AP4E1: variants seen among roughly 807,000 people sequenced by gnomAD.
AP4E1 encodes the protein adaptor related protein complex 4 subunit epsilon 1.
A neutral mutation model predicts 128.2 loss-of-function variants in AP4E1; 56 were observed. The ratio of observed to expected loss-of-function variants is 0.44; its 90% CI spans 0.35 to 0.55. The LOEUF is 0.55. Among genes scored for constraint, AP4E1 ranks in the 20% least tolerant of loss-of-function variants. The pLI is 0.00. For synonymous variants in AP4E1, 484 were observed against 473.1 expected (o/e 1.02, Z -0.30); for missense variants, 1,324 against 1,307.7 (o/e 1.01, Z -0.19).
At chr15:50,915,615 GAAGTTGCATCTATTAT>G in intron 3 of AP4E1, 44 bp downstream of exon 3, 1 of 1,600,104 alleles carries the variant, frequency 6.2e-7, no homozygotes, top group East Asian at 2.2e-5. Context: ...TGTTGTCCTT[GAAGTTGCATCTATTAT>G]ACAAAATGAA....
intron 3 of AP4E1, among the ~76,000 whole-genome samples, chr15:50,920,453 C>A (rs2063687099): frequency 6.8e-6 from 1 of 147,702 alleles, no homozygotes; most frequent in African/African-American, 2.5e-5. Context: ...GTCACCTAGG[C>A]TGGAGTATGG....
chr15:50,960,049 A>G (rs569319067), intron 14 of AP4E1, among the ~76,000 whole-genome samples: 11 of 152,318 alleles, frequency 7.2e-5, no homozygotes, highest in African/African-American at 2.6e-4. Context: ...TATAATGATG[A>G]AGGGATCAGT....
At chr15:50,958,469 A>G in intron 13 of AP4E1, 23 bp from the exon 14 acceptor site, 2 of 1,583,188 alleles carry the variant, frequency 1.3e-6, no homozygotes, top group Non-Finnish European at 1.7e-6. Flanking sequence ...TTCTATATGA[A>G]TATCTCTTTG....
Position 50,997,730 on chromosome 15 carries a change from T to A in AP4E1, c.2751T>A (p.Asn917Lys). 1 of 1,613,994 alleles carries A rather than the reference T, an allele frequency of 6.2e-7. No individual in the cohort carries two copies. The highest frequency in any genetic ancestry group is 8.5e-7 in the Non-Finnish European group (1 of 1,179,996). Reference sequence around the variant, plus strand: ...AAACTACTGAATACATACACTCAAATGCTATGGAAGTCTGTAATAATGAAA... The same window carrying A: ...AAACTACTGAATACATACACTCAAAAGCTATGGAAGTCTGTAATAATGAAA... ...LEETTEYIHSNAMEVCNNETI... is the reference protein window; with the variant it reads ...LEETTEYIHSKAMEVCNNETI... The change falls in exon 18 of 21, where the codon AAT becomes AAA. Residue 917 changes from asparagine to lysine, a missense_variant. Transcript: ENST00000261842.
At chr15:51,002,074 T>C (rs1422301190) in intron 20 of AP4E1, among the ~76,000 whole-genome samples, 1 of 151,984 alleles carries the variant, frequency 6.6e-6, no homozygotes, top group Non-Finnish European at 1.5e-5. Flanking sequence ...AGAGATGGGG[T>C]TTCACCATAT....
Position 50,908,824 on chromosome 15 carries a change from T to C in AP4E1, c.46T>C (p.Phe16Leu), listed in dbSNP as rs763655101. The stretch of plus-strand genomic sequence containing the variant: ...GACGCTGACGGCGCTGCCGGGACTC[T>C]TTCTGCAGAACCAGCCCGGTGGTGG... ...EKTLTALPGL[F>L]LQNQPGGGPA... The change falls in exon 1 of 21, where the codon TTT (phenylalanine) becomes CTT (leucine). Residue 16 changes from phenylalanine (F) to leucine (L), a missense_variant. Transcript: ENST00000261842. The C allele has an allele frequency of 1.2e-5, 20 of 1,606,726 alleles. No individual in the cohort carries two copies. The highest frequency in any genetic ancestry group is 3.4e-5 in the Admixed American group (2 of 59,298).
chr15:50,932,662 C>T (rs1246879534), intron 7 of AP4E1, among the ~76,000 whole-genome samples: 1 of 152,162 alleles, frequency 6.6e-6, no homozygotes, highest in East Asian at 1.9e-4. Flanking sequence ...TACAAAGGGA[C>T]CATTCTCCAG....
chr15:50,943,833 C>A (rs2064021320), intron 10 of AP4E1, among the ~76,000 whole-genome samples: 1 of 152,080 alleles, frequency 6.6e-6, no homozygotes, highest in Non-Finnish European at 1.5e-5. Context: ...AGGGATGATT[C>A]ATGTCCCAGA....
intron 16 of AP4E1, among the ~76,000 whole-genome samples, chr15:50,985,841 T>C (rs1293056006): frequency 1.3e-5 from 2 of 152,246 alleles, no homozygotes; most frequent in East Asian, 3.8e-4. Flanking sequence ...TTTCCAATTC[T>C]GTGAAGACAG....
chr15:50,962,576 A>G (rs1402535392), intron 14 of AP4E1, among the ~76,000 whole-genome samples: 1 of 152,096 alleles, frequency 6.6e-6, no homozygotes, highest in African/African-American at 2.4e-5. Flanking sequence ...CGAGATCCCT[A>G]TCTCTCACCA....
At chr15:50,949,803 C>G in intron 11 of AP4E1, 23 bp from the exon 12 acceptor site, 2 of 1,542,974 alleles carry the variant, frequency 1.3e-6, no homozygotes, top group Non-Finnish European at 1.8e-6. Context: ...TGGAAGTGTA[C>G]TTGTTCTTAA....
chr15:50,989,923 G>A (rs989004384), intron 16 of AP4E1, among the ~76,000 whole-genome samples: 2 of 152,142 alleles, frequency 1.3e-5, no homozygotes, highest in Non-Finnish European at 2.9e-5. Context: ...TATTTCAGAA[G>A]AGGAACATAG....
intron 5 of AP4E1, among the ~76,000 whole-genome samples, chr15:50,925,760 G>A (rs1413784014): frequency 6.6e-6 from 1 of 150,618 alleles, no homozygotes; most frequent in Non-Finnish European, 1.5e-5. Flanking sequence ...CTCCCATGTA[G>A]CTAGGATTAC....
chr15:50,962,397 G>A (rs1484005101), intron 14 of AP4E1, among the ~76,000 whole-genome samples: 2 of 151,962 alleles, frequency 1.3e-5, no homozygotes, highest in African/African-American at 4.8e-5. Flanking sequence ...CATGGTATTG[G>A]TATAAAGAAA....
At chr15:50,926,519 T>TA (rs1333274555) in intron 5 of AP4E1, among the ~76,000 whole-genome samples, 1 of 152,256 alleles carries the variant, frequency 6.6e-6, no homozygotes, top group African/African-American at 2.4e-5. Flanking sequence ...ATTTTTTTGT[T>TA]ACTCATACAA....
rs2064829446 is a variant in AP4E1, at chr15:50,993,491, A to G, written c.2212A>G (p.Met738Val). The change falls in exon 17 of 21, where the codon ATG (methionine) becomes GTG (valine). Residue 738 changes from methionine to valine, a missense_variant. Met to Val is a conservative substitution (Grantham distance 21, BLOSUM62 1). Transcript: ENST00000261842. ...GALPVPQESI[M>V]ENVDQAITKK... ...TCTGCCTGTTCCTCAAGAGAGTATA[A>G]TGGAGAATGTAGATCAAGCTATAAC... The G allele has an allele frequency of 6.2e-7, 1 of 1,613,926 alleles. No homozygotes were observed. Among genetic ancestry groups the G allele is most frequent in the Admixed American group, 1.7e-5 (1 of 59,984 alleles).
In AP4E1 at chr15:50,962,713, C is replaced by T. The variant is rs1235359596; in HGVS notation, c.1851+3919C>T. 2.0e-5 allele frequency among the ~76,000 whole-genome samples: 3 copies of T among 151,760 alleles called. No homozygotes were observed. In the South Asian group the frequency reaches 6.2e-4, roughly 32 times the overall value. On this transcript the variant is annotated intron_variant, in intron 14 of 20. Transcript: ENST00000261842. ...TCGAGGCAAAGATTTATGGCTAAGA[C>T]TTCAAAAGCACAGGCAAAAAAGACA...
chr15:50,928,572 G>T (rs865776873), intron 5 of AP4E1, among the ~76,000 whole-genome samples: 2 of 151,938 alleles, frequency 1.3e-5, no homozygotes, highest in Non-Finnish European at 1.5e-5. Context: ...ACAGGCCAAA[G>T]ATTTTTAATA....
At position 50,925,119 on chromosome 15, in the gene AP4E1, G is replaced by A. The variant is rs1368242720; in HGVS notation, c.442G>A (p.Val148Ile). 1 of 1,614,012 alleles carries A rather than the reference G, an allele frequency of 6.2e-7. No homozygotes were observed. Among genetic ancestry groups the A allele is most frequent in the Non-Finnish European group, 8.5e-7 (1 of 1,179,938 alleles). The change falls in exon 5 of 21, where the codon GTA becomes ATA. Residue 148 changes from valine (V) to isoleucine (I), a missense_variant. Coordinates refer to ENST00000261842, the MANE Select transcript of AP4E1 (RefSeq NM_007347.5). ...CCAGGATCTGCAGAGCACTAACCTA[G>A]TAGAAGTGTGTATGGCACTGACTGT... ...VVKDLQSTNL[V>I]EVCMALTVVS...
Sources: allele counts gnomAD v4.1 joint callset (sites outside exome capture counted in the v4.1 genomes callset), GRCh38; gene constraint gnomAD v4.1.1; transcripts MANE v1.5; gene names NCBI Gene and HGNC (gene_info 2026-07-23, HGNC 2026-07-21).